The following ZNF385D variants were observed in gnomAD, a reference collection of about 807,000 sequenced individuals.
ZNF385D encodes zinc finger protein 659.
Under a neutral mutation model 35.8 loss-of-function variants are expected in ZNF385D, and 15 were observed. That is an observed-to-expected ratio of 0.42 (90% CI 0.28 to 0.64). The LOEUF (loss-of-function observed/expected upper bound fraction) is 0.64, where lower values mean the gene tolerates loss of function less well. Ranked by LOEUF, ZNF385D falls within the 30% of genes least tolerant of loss-of-function variation. The pLI is 0.23. For synonymous variants in ZNF385D, 212 were observed against 186.8 expected (o/e 1.13, Z -1.10); for missense variants, 474 against 494.6 (o/e 0.96, Z 0.39).
chr3:21,469,584 T>A (rs976096032), intron 4 of ZNF385D, among the ~76,000 whole-genome samples: 7 of 152,144 alleles, frequency 4.6e-5, no homozygotes, highest in Non-Finnish European at 1.0e-4. Context: ...TACATTTAGG[T>A]TTATACTCTG....
chr3:21,975,105 G>C (rs564290691), intron 3 of ZNF385D, among the ~76,000 whole-genome samples: 1 of 152,164 alleles, frequency 6.6e-6, no homozygotes, highest in South Asian at 2.1e-4. Flanking sequence ...ATATTGAAGA[G>C]ATATCTGCAC....
intron 3 of ZNF385D, among the ~76,000 whole-genome samples, chr3:21,779,113 G>A (rs1435057606): frequency 1.3e-5 from 2 of 151,896 alleles, no homozygotes; most frequent in Non-Finnish European, 2.9e-5. Flanking sequence ...TCAGAGCTGG[G>A]ACGTGGAAAA....
At chr3:21,559,728 TCTC>T (rs1164740376) in intron 3 of ZNF385D, among the ~76,000 whole-genome samples, 7 of 152,196 alleles carry the variant, frequency 4.6e-5, no homozygotes, top group Admixed American at 3.9e-4. Context: ...TTGGGGAAGT[TCTC>T]CTGGATAATA....
intron 2 of ZNF385D, among the ~76,000 whole-genome samples, chr3:22,349,797 A>G (rs1695833127): frequency 6.6e-6 from 1 of 152,160 alleles, no homozygotes; most frequent in Non-Finnish European, 1.5e-5. Context: ...AGAAAATTCA[A>G]AAGTACACTG....
At chr3:21,714,166 A>T (rs2068223730) in intron 1 of ZNF385D, among the ~76,000 whole-genome samples, 1 of 151,708 alleles carries the variant, frequency 6.6e-6, no homozygotes, top group Non-Finnish European at 1.5e-5. Flanking sequence ...GCCCATAATA[A>T]CTGCTCTCAA....
intron 2 of ZNF385D, among the ~76,000 whole-genome samples, chr3:22,211,406 A>G (rs1697514819): frequency 1.3e-5 from 2 of 151,918 alleles, no homozygotes. Context: ...AGTAGATCAC[A>G]TAACCTCACT....
intron 3 of ZNF385D, among the ~76,000 whole-genome samples, chr3:21,841,608 T>C (rs909564253): frequency 6.6e-6 from 1 of 151,988 alleles, no homozygotes; most frequent in South Asian, 2.1e-4. Context: ...ATAGCCTGTT[T>C]ATGTCCATTC....
intron 3 of ZNF385D, among the ~76,000 whole-genome samples, chr3:22,148,028 T>C (rs749963949): frequency 3.3e-5 from 5 of 152,178 alleles, no homozygotes; most frequent in African/African-American, 4.8e-5. Flanking sequence ...TAACTCCTTA[T>C]TATAAAAATG....
At chr3:21,775,424 A>T (rs1056997762) in intron 3 of ZNF385D, among the ~76,000 whole-genome samples, 1 of 151,872 alleles carries the variant, frequency 6.6e-6, no homozygotes, top group Non-Finnish European at 1.5e-5. Flanking sequence ...AAATAAAAAA[A>T]GGAAGAAAGT....
chr3:22,104,961 C>T (rs558591718), intron 3 of ZNF385D, among the ~76,000 whole-genome samples: 3 of 152,186 alleles, frequency 2.0e-5, no homozygotes, highest in Admixed American at 1.3e-4. Flanking sequence ...CTTGCCACAA[C>T]GTCTTTACAT....
chr3:21,508,977 T>TTC (rs937863824), intron 4 of ZNF385D, among the ~76,000 whole-genome samples: 59 of 151,188 alleles, frequency 3.9e-4, no homozygotes, highest in Admixed American at 2.7e-3. Flanking sequence ...GGCTTTTTTT[T>TTC]TTTTTCTTTT....
At chr3:22,214,905 A>G (rs1697764755) in intron 2 of ZNF385D, among the ~76,000 whole-genome samples, 1 of 151,764 alleles carries the variant, frequency 6.6e-6, no homozygotes, top group African/African-American at 2.4e-5. Flanking sequence ...GATGTCTGTG[A>G]CCCACACCCT....
At chr3:21,968,759 C>A (rs1171660193) in intron 3 of ZNF385D, among the ~76,000 whole-genome samples, 9 of 152,118 alleles carry the variant, frequency 5.9e-5, no homozygotes, top group Admixed American at 5.9e-4. Context: ...AAACTCAGAG[C>A]TATGCTTGCT....
intron 3 of ZNF385D, among the ~76,000 whole-genome samples, chr3:22,094,045 G>A (rs1033377912): frequency 2.0e-5 from 3 of 152,022 alleles, no homozygotes; most frequent in Non-Finnish European, 4.4e-5. Flanking sequence ...TAAGTGGGTT[G>A]ACTGGATTTT....
chr3:21,565,940 T>G (rs935115158), intron 2 of ZNF385D, among the ~76,000 whole-genome samples: 1 of 152,190 alleles, frequency 6.6e-6, no homozygotes, highest in Admixed American at 6.5e-5. Context: ...AAGCCATTGA[T>G]CAATTTCATC....
At chr3:22,064,804 G>A (rs1396296349) in intron 3 of ZNF385D, among the ~76,000 whole-genome samples, 1 of 152,200 alleles carries the variant, frequency 6.6e-6, no homozygotes, top group African/African-American at 2.4e-5. Flanking sequence ...GGAAAAGGGA[G>A]ATGATGATCA....
intron 3 of ZNF385D, among the ~76,000 whole-genome samples, chr3:21,534,840 T>C (rs751634581): frequency 5.1e-4 from 77 of 152,122 alleles, no homozygotes; most frequent in Non-Finnish European, 9.0e-4. Flanking sequence ...GCCATTTGTG[T>C]TTGTTTTCTT....
At chr3:21,786,800 T>G (rs76774369) in intron 3 of ZNF385D, among the ~76,000 whole-genome samples, 5,649 of 152,308 alleles carry the variant, frequency 0.037, 153 homozygotes, top group Non-Finnish European at 0.05. Context: ...TTTCTTTTTT[T>G]GTATAAACAA....
chr3:22,260,614 A>G (rs1175038934), intron 2 of ZNF385D, among the ~76,000 whole-genome samples: 3 of 152,064 alleles, frequency 2.0e-5, no homozygotes, highest in Non-Finnish European at 4.4e-5. Context: ...TAGGTATTTT[A>G]GAATTTCTAC....
Sources: allele counts gnomAD v4.1 joint callset (sites outside exome capture counted in the v4.1 genomes callset), GRCh38; gene constraint gnomAD v4.1.1; transcripts MANE v1.5; gene names NCBI Gene and HGNC (gene_info 2026-07-23, HGNC 2026-07-21).